ATG16L1: variants seen among roughly 807,000 people sequenced by gnomAD.
The protein encoded by ATG16L1 is autophagy related 16 like 1.
A neutral mutation model predicts 88.5 loss-of-function variants in ATG16L1; 37 were observed. The ratio of observed to expected loss-of-function variants is 0.42; its 90% CI spans 0.32 to 0.55. ATG16L1 has a LOEUF of 0.55. Among genes scored for constraint, ATG16L1 ranks in the 20% least tolerant of loss-of-function variants. ATG16L1 has a pLI of 0.13. For synonymous variants in ATG16L1, 301 were observed against 281.0 expected (o/e 1.07, Z -0.71); for missense variants, 554 against 752.8 (o/e 0.74, Z 3.09).
At chr2:233,293,429 C>A (rs568417202) in intron 17 of ATG16L1, 72 bp downstream of exon 17, 2 of 1,377,712 alleles carry the variant, frequency 1.5e-6, no homozygotes, top group African/African-American at 1.4e-5. Flanking sequence ...AGGGGTCATC[C>A]GGTTTAGACC....
chr2:233,274,142 C>T (rs1289397163), intron 8 of ATG16L1: 1 of 1,265,746 alleles, frequency 7.9e-7, no homozygotes, highest in Admixed American at 2.1e-5. Flanking sequence ...TGTTCACGTG[C>T]TAACGAGGAT....
At chr2:233,266,714 A>T (rs1284580990) in intron 5 of ATG16L1, among the ~76,000 whole-genome samples, 3 of 152,250 alleles carry the variant, frequency 2.0e-5, no homozygotes, top group Non-Finnish European at 4.4e-5. Context: ...AATAGCCAAG[A>T]TACGGATCAA....
chr2:233,259,035 A>G (rs1315626167), intron 2 of ATG16L1, among the ~76,000 whole-genome samples: 1 of 152,134 alleles, frequency 6.6e-6, no homozygotes, highest in African/African-American at 2.4e-5. Context: ...GTTATAAACC[A>G]GGTTCATTCA....
At chr2:233,256,278 G>A in intron 2 of ATG16L1, 83 bp downstream of exon 2, 1 of 1,170,652 alleles carries the variant, frequency 8.5e-7, no homozygotes, top group Non-Finnish European at 1.2e-6. Flanking sequence ...TAATTTAAAA[G>A]CAAATCAAGT....
In ATG16L1 at chr2:233,261,538, G is replaced by C. The variant is rs575044901; in HGVS notation, c.210-1592G>C. On this transcript the variant is annotated intron_variant, in intron 2 of 17. Coordinates refer to ENST00000392017, the MANE Select transcript of ATG16L1 (RefSeq NM_030803.7). ...TTGCCTCAAGATAAGGTATTAGTTT[G>C]TGCTTAGCTATGTAATAACAATACA... Among the ~76,000 whole-genome samples, 5 of 152,262 alleles carry C rather than the reference G, an allele frequency of 3.3e-5. No homozygotes were observed. In the South Asian group the frequency reaches 1.0e-3, roughly 32 times the overall value.
chr2:233,272,991 G>A lies in ATG16L1; in HGVS notation c.733G>A (p.Asp245Asn), dbSNP rs779992630. The change falls in exon 7 of 18, where the codon GAT becomes AAT. Residue 245 changes from aspartate to asparagine, a missense_variant. Physicochemically the swap from Asp to Asn is conservative, Grantham distance 23. Coordinates refer to ENST00000392017, the MANE Select transcript of ATG16L1 (RefSeq NM_030803.7). Reference sequence around the variant, plus strand: ...GGATGATGACATTGAGGTCATTGTGGATGAAACTTCTGATCACACAGAAGA... The same window carrying A: ...GGATGATGACATTGAGGTCATTGTGAATGAAACTTCTGATCACACAGAAGA... The part of the protein sequence containing the change: ...EQDDDIEVIV[D>N]ETSDHTEETS... The A allele has an allele frequency of 1.2e-6, 2 of 1,614,078 alleles. No homozygotes were observed. Among genetic ancestry groups the A allele is most frequent in the South Asian group, 2.2e-5 (2 of 91,064 alleles).
chr2:233,252,829 A>G (rs1696475362), intron 1 of ATG16L1, among the ~76,000 whole-genome samples: 1 of 152,186 alleles, frequency 6.6e-6, no homozygotes, highest in Non-Finnish European at 1.5e-5. Flanking sequence ...ACCTTTACCT[A>G]AATTATAATG....
intron 9 of ATG16L1, chr2:233,275,720 C>G (rs1698305289): frequency 1.9e-6 from 1 of 518,526 alleles, no homozygotes; most frequent in Non-Finnish European, 3.9e-6. Flanking sequence ...CACCGGGCAC[C>G]TGCAGAGGTC....
rs775003704 is a variant in ATG16L1 at position 233,294,333 on chromosome 2, C to T, written c.1807C>T (p.Leu603=). 1.2e-6 allele frequency: 2 copies of T among 1,613,546 alleles called. No individual in the cohort carries two copies. Among genetic ancestry groups the T allele is most frequent in the African/African-American group, 1.3e-5 (1 of 74,944 alleles). Residue 603 remains leucine (L), a synonymous_variant, in exon 18 of 18, where the codon CTG becomes TTG. Transcript: ENST00000392017. ...VSVDKGCKAV[L]WAQY ...TGTGGACAAAGGATGCAAAGCTGTG[C>T]TGTGGGCACAGTACTGACGGGGCTC...
chr2:233,266,844 T>G lies in ATG16L1; in HGVS notation c.641+1701T>G, dbSNP rs538927083. On this transcript the variant is annotated intron_variant, in intron 5 of 17. Coordinates refer to ENST00000392017, the MANE Select transcript of ATG16L1 (RefSeq NM_030803.7). ...TTATTTACAACCACTTGGATGGAAC[T>G]GGAGGACAGTATATTAAGTGAAATA... Among the ~76,000 whole-genome samples, 4 of 152,312 alleles carry G rather than the reference T, an allele frequency of 2.6e-5. No homozygotes were observed. The South Asian group carries it at 8.3e-4, about 32-fold the overall frequency.
At chr2:233,284,240 C>T (rs936155314) in intron 12 of ATG16L1, among the ~76,000 whole-genome samples, 2 of 151,338 alleles carry the variant, frequency 1.3e-5, no homozygotes, top group Non-Finnish European at 2.9e-5. Context: ...CCTCTGCCTC[C>T]CAGGTTCAAG....
intron 5 of ATG16L1, among the ~76,000 whole-genome samples, 154 bp from the exon 6 acceptor site, chr2:233,269,848 T>C (rs564656703): frequency 2.6e-5 from 4 of 152,330 alleles, no homozygotes; most frequent in African/African-American, 7.2e-5. Context: ...TGTTATGAGT[T>C]TGGGCTTGTG....
chr2:233,252,068 C>G (rs1371170052), intron 1 of ATG16L1, 126 bp downstream of exon 1: 1 of 739,352 alleles, frequency 1.4e-6, no homozygotes, highest in African/African-American at 1.9e-5. Context: ...CCCCGGGTAA[C>G]CCGCGCTTGG....
chr2:233,252,383 C>G (rs564638179), intron 1 of ATG16L1, among the ~76,000 whole-genome samples: 80 of 151,274 alleles, frequency 5.3e-4, no homozygotes, highest in African/African-American at 1.9e-3. Context: ...GTTTTTTTTG[C>G]GGGGAAACGG....
At chr2:233,283,127 G>C (rs1461044596) in intron 12 of ATG16L1, 1 of 200,626 alleles carries the variant, frequency 5.0e-6, no homozygotes, top group Non-Finnish European at 1.0e-5. Context: ...AGTACAAATG[G>C]ATGTATCATA....
At chr2:233,275,262 C>T (rs1698270559) in intron 9 of ATG16L1, 1 of 201,178 alleles carries the variant, frequency 5.0e-6, no homozygotes, top group Admixed American at 5.3e-5. Flanking sequence ...CCAGGGCTGT[C>T]ACCCGGAGTT....
intron 5 of ATG16L1, among the ~76,000 whole-genome samples, chr2:233,269,773 A>G (rs1237840494): frequency 6.6e-6 from 1 of 152,136 alleles, no homozygotes; most frequent in Non-Finnish European, 1.5e-5. Flanking sequence ...TGCTTTCTCT[A>G]ATAATGTGGC....
Position 233,272,995 on chromosome 2 carries a change from A to C in ATG16L1, c.737A>C (p.Glu246Ala), listed in dbSNP as rs1698095183. 1 of 1,614,020 alleles carries C rather than the reference A, an allele frequency of 6.2e-7. No individual in the cohort carries two copies. The highest frequency in any genetic ancestry group is 1.3e-5 in the African/African-American group (1 of 74,940). ...QDDDIEVIVD[E>A]TSDHTEETSP... ...GATGACATTGAGGTCATTGTGGATG[A>C]AACTTCTGATCACACAGAAGAGACC... is the stretch of plus-strand genomic sequence containing the variant. The change falls in exon 7 of 18, where the codon GAA (glutamate) becomes GCA (alanine). Residue 246 changes from glutamate to alanine, a missense_variant. This residue lies in a region of ATG16L1 where 370 missense variants were observed against 509.7 expected (regional missense o/e 0.73). Transcript: ENST00000392017.
At chr2:233,277,798 C>A in intron 10 of ATG16L1, 125 bp downstream of exon 10, 1 of 767,158 alleles carries the variant, frequency 1.3e-6, no homozygotes, top group Non-Finnish European at 2.2e-6. Context: ...TGTTCATTTT[C>A]TCAAAACATA....
Sources: gnomAD v4.1 joint callset for allele counts (sites outside exome capture counted in the v4.1 genomes callset) on GRCh38, gnomAD v4.1.1 for gene constraint, gnomAD v4.1.1 regional missense constraint, MANE v1.5 for transcripts, NCBI Gene and HGNC (gene_info 2026-07-23, HGNC 2026-07-21) for gene names.